Variants in TRPM7 observed in about 807,000 individuals in gnomAD.
The protein encoded by TRPM7 is transient receptor potential cation channel subfamily M member 7.
A neutral mutation model predicts 229.7 loss-of-function variants in TRPM7; 134 were observed. That is an observed-to-expected ratio of 0.58 (90% CI 0.51 to 0.67). TRPM7 has a LOEUF of 0.67. TRPM7 is among the 30% of genes least tolerant of loss of function. The pLI, the probability that TRPM7 is intolerant of heterozygous loss-of-function variation, is 0.00. For synonymous variants in TRPM7, 699 were observed against 715.2 expected (o/e 0.98, Z 0.36); for missense variants, 1,901 against 2,210.0 (o/e 0.86, Z 2.80).
intron 38 of TRPM7, among the ~76,000 whole-genome samples, chr15:50,564,249 A>ACAATC (rs2053464701): frequency 1.5e-3 from 40 of 26,410 alleles, no homozygotes; most frequent in African/African-American, 7.1e-3. Context: ...ACTGTCTCAA[A>ACAATC]AAATAAAATA....
At chr15:50,643,200 A>T (rs998472666) in intron 5 of TRPM7, 140 bp downstream of exon 5, 1 of 640,430 alleles carries the variant, frequency 1.6e-6, no homozygotes, top group Non-Finnish European at 2.7e-6. Context: ...GAGGCAGGAG[A>T]ATTGCTTGAG....
At position 50,639,556 on chromosome 15, in the gene TRPM7, TA is replaced by T. The variant is rs753247116; in HGVS notation, c.536-9del. 5 of 1,597,578 alleles carry T rather than the reference TA, an allele frequency of 3.1e-6. No individual in the cohort carries two copies. The highest frequency in any genetic ancestry group is 3.6e-5 in the Admixed American group (2 of 56,208). On this transcript the variant is annotated splice_polypyrimidine_tract_variant and intron_variant, in intron 5 of 38. Transcript: ENST00000646667. ...CAACATGTTTTGCCACACCTGTTCA[TA>T]AAAAAAGTTTATTCATTTTGTTTTT...
chr15:50,597,649 G>C (rs1331809752), intron 22 of TRPM7, among the ~76,000 whole-genome samples: 1 of 152,148 alleles, frequency 6.6e-6, no homozygotes, highest in Admixed American at 6.5e-5. Flanking sequence ...GATGGCTCAC[G>C]TTTGTAATCC....
At chr15:50,685,209 TC>T (rs1429659354) in intron 1 of TRPM7, among the ~76,000 whole-genome samples, 1 of 152,212 alleles carries the variant, frequency 6.6e-6, no homozygotes, top group African/African-American at 2.4e-5. Flanking sequence ...ACGCCTGTAA[TC>T]CCAGGACTTT....
chr15:50,637,087 C>T (rs182904174), intron 7 of TRPM7, among the ~76,000 whole-genome samples: 1 of 150,846 alleles, frequency 6.6e-6, no homozygotes, highest in East Asian at 1.9e-4. Context: ...GATCATGCCA[C>T]TGCACTCCAG....
rs1235612374 is a variant in TRPM7 at position 50,592,110 on chromosome 15, T to G, written c.4125A>C (p.Leu1375Phe). 1 of 1,610,588 alleles carries G rather than the reference T, an allele frequency of 6.2e-7. No homozygotes were observed. The highest frequency in any genetic ancestry group is 1.3e-5 in the African/African-American group (1 of 74,564). Residue 1375 changes from leucine to phenylalanine, a missense_variant, in exon 26 of 39, where the codon TTA (leucine) becomes TTC (phenylalanine). Around this residue, in one of 8 missense-constraint regions of TRPM7, gnomAD observed 533 missense variants for 497.1 expected, o/e 1.07. Transcript: ENST00000646667. ...ATTTTTGATTTTTATTAAATATTTT[T>G]AAGAGTTCTACCCCATGTAGTCTCT... ...LRQRLHGVELLKIFNKNQKLG... is the reference protein window; with the variant it reads ...LRQRLHGVELFKIFNKNQKLG...
intron 12 of TRPM7, among the ~76,000 whole-genome samples, chr15:50,623,059 T>A (rs568675155): frequency 2.6e-5 from 4 of 152,168 alleles, no homozygotes; most frequent in African/African-American, 7.2e-5. Flanking sequence ...ATAAATGGGT[T>A]ATTAGTTGGA....
chr15:50,675,914 G>A (rs923664944), intron 1 of TRPM7, among the ~76,000 whole-genome samples: 3 of 152,184 alleles, frequency 2.0e-5, no homozygotes, highest in African/African-American at 7.2e-5. Flanking sequence ...TCCCAGCTCT[G>A]CTGTTTACTA....
At chr15:50,669,436 A>C (rs1017088108) in intron 1 of TRPM7, among the ~76,000 whole-genome samples, 2 of 152,158 alleles carry the variant, frequency 1.3e-5, no homozygotes, top group African/African-American at 4.8e-5. Flanking sequence ...CTCTGTCTCA[A>C]AAAGAAAAGG....
In TRPM7 at chr15:50,653,620, A is replaced by C. The variant is rs182065278; in HGVS notation, c.122+4161T>G. Among the ~76,000 whole-genome samples, 6 of 152,348 alleles carry C rather than the reference A, an allele frequency of 3.9e-5. No homozygotes were observed. The East Asian group carries it at 1.2e-3, about 29-fold the overall frequency. ...TGCACCAGCTTGGGGGCAATTTCTC[A>C]ATCATAGAGATGACACCTAGGCAGA... On this transcript the variant is annotated intron_variant, in intron 3 of 38. Transcript: ENST00000646667.
intron 12 of TRPM7, among the ~76,000 whole-genome samples, chr15:50,620,293 T>C (rs940113294): frequency 5.8e-5 from 8 of 137,414 alleles, no homozygotes; most frequent in Non-Finnish European, 8.1e-5. Flanking sequence ...ATAGAGTTTT[T>C]TTTTCAATTT....
Position 50,631,444 on chromosome 15 carries a change from C to A in TRPM7, c.1177G>T (p.Val393Leu). Reference protein sequence around the residue: ...IGSDEHQDIDVAILTALLKGT... With the variant: ...IGSDEHQDIDLAILTALLKGT... ...TTTAGCAGTGCAGTAAGTATTGCTA[C>A]ATCTATATCTTGATGTTCATCTGAC... is the stretch of plus-strand genomic sequence containing the variant. The change falls in exon 10 of 39, where the codon GTA (valine) becomes TTA (leucine). Residue 393 changes from valine (V) to leucine (L), a missense_variant. Coordinates refer to ENST00000646667, the MANE Select transcript of TRPM7 (RefSeq NM_017672.6). The A allele has an allele frequency of 6.2e-7, 1 of 1,610,124 alleles. No individual in the cohort carries two copies. Among genetic ancestry groups the A allele is most frequent in the Admixed American group, 1.7e-5 (1 of 59,718 alleles).
intron 12 of TRPM7, among the ~76,000 whole-genome samples, chr15:50,623,335 C>T (rs1291003341): frequency 6.6e-6 from 1 of 151,488 alleles, no homozygotes; most frequent in African/African-American, 2.4e-5. Flanking sequence ...TCACTTGAAC[C>T]AGGGAGGCGG....
intron 4 of TRPM7, 82 bp from the exon 5 acceptor site, chr15:50,643,635 T>G: frequency 9.6e-7 from 1 of 1,040,774 alleles, no homozygotes; most frequent in Non-Finnish European, 1.4e-6. Context: ...TTTGGAAAAT[T>G]TTATATGAAT....
chr15:50,651,991 A>G (rs978923608), intron 3 of TRPM7, among the ~76,000 whole-genome samples: 1 of 152,044 alleles, frequency 6.6e-6, no homozygotes, highest in Non-Finnish European at 1.5e-5. Context: ...AAAACTAAAA[A>G]TAACAGCAAA....
At position 50,644,724 on chromosome 15, in the gene TRPM7, G is replaced by A. The variant is rs190313774; in HGVS notation, c.322-1171C>T. ...AGGCAAGAGAATTGCTTGAACCCAG[G>A]AGGCAGAGGTTCCAGGGAGCTGAGA... On this transcript the variant is annotated intron_variant, in intron 4 of 38. Coordinates refer to ENST00000646667, the MANE Select transcript of TRPM7 (RefSeq NM_017672.6). 2.7e-5 allele frequency among the ~76,000 whole-genome samples: 4 copies of A among 149,890 alleles called. No homozygotes were observed. In the Admixed American group the frequency reaches 2.7e-4, roughly 10 times the overall value.
chr15:50,580,971 A>C (rs917379003), intron 29 of TRPM7, 63 bp from the exon 30 acceptor site: 40 of 1,507,980 alleles, frequency 2.7e-5, no homozygotes, highest in Non-Finnish European at 3.3e-5. Context: ...TAGATGAAGC[A>C]TAACGGTTTA....
Position 50,591,911 on chromosome 15 carries a change from C to T in TRPM7, c.4324G>A (p.Gly1442Arg). 6.5e-7 allele frequency: 1 copy of T among 1,539,366 alleles called. No homozygotes were observed. The highest frequency in any genetic ancestry group is 8.7e-7 in the Non-Finnish European group (1 of 1,148,486). The part of the protein sequence containing the change: ...GDNTEFGAFV[G>R]HRDSMDLQRF... ...ACAAATACGAATTTGCCAAACTTAC[C>T]TACAAATGCTCCAAATTCTGTATTA... is the stretch of plus-strand genomic sequence containing the variant. Residue 1442 changes from glycine to arginine, a missense_variant and splice_region_variant, in exon 26 of 39, where the codon GGA becomes AGA. Around this residue, in one of 8 missense-constraint regions of TRPM7, gnomAD observed 533 missense variants for 497.1 expected, o/e 1.07. Transcript: ENST00000646667.
At chr15:50,562,754 CAG>C (rs2053376168) in intron 38 of TRPM7, among the ~76,000 whole-genome samples, 1 of 145,536 alleles carries the variant, frequency 6.9e-6, no homozygotes, top group South Asian at 2.2e-4. Context: ...ACCTGGGCGA[CAG>C]AGTGAGATCC....
Sources: allele counts gnomAD v4.1 joint callset (sites outside exome capture counted in the v4.1 genomes callset), GRCh38; gene constraint gnomAD v4.1.1; regional missense constraint gnomAD v4.1.1; transcripts MANE v1.5; gene names NCBI Gene and HGNC (gene_info 2026-07-23, HGNC 2026-07-21).